RPL6: variants seen among roughly 807,000 people sequenced by gnomAD.
The protein encoded by RPL6 is large ribosomal subunit protein eL6.
A neutral mutation model predicts 32.1 loss-of-function variants in RPL6; 1 was observed. The observed-to-expected ratio is 0.03, with a 90% CI of 0.01 to 0.15. RPL6 has a LOEUF of 0.15. Among genes scored for constraint, RPL6 ranks in the 10% least tolerant of loss-of-function variants. RPL6 has a pLI of 1.00. For missense variants in RPL6, 275 were observed against 354.6 expected (o/e 0.78, Z 1.80); for synonymous variants, 126 against 131.6 (o/e 0.96, Z 0.29).
At chr12:112,406,712 C>G in intron 4 of RPL6, 35 bp downstream of exon 4, 1 of 1,610,778 alleles carries the variant, frequency 6.2e-7, no homozygotes, top group Non-Finnish European at 8.5e-7. Flanking sequence ...CCCCAGGCAG[C>G]TGCAGTGAAG....
At chr12:112,418,662 A>G in intron 1 of RPL6, 1 of 296,096 alleles carries the variant, frequency 3.4e-6, no homozygotes, top group South Asian at 5.2e-5. Flanking sequence ...AACGAAATGA[A>G]TGAAATCGAT....
upstream of RPL6, chr12:112,411,278 C>G (rs2037338437): frequency 6.6e-6 from 1 of 152,194 alleles, no homozygotes; most frequent in South Asian, 2.1e-4. Flanking sequence ...GCCCTTAAGC[C>G]AACATGTACA....
At chr12:112,408,995 T>C (rs1034873033) in intron 1 of RPL6, 10 of 298,464 alleles carry the variant, frequency 3.4e-5, no homozygotes, top group Non-Finnish European at 5.5e-5. Flanking sequence ...ATGCAGAATG[T>C]GTCCACAGGT....
upstream of RPL6, among the ~76,000 whole-genome samples, chr12:112,413,272 C>T (rs1022403569): frequency 6.6e-6 from 1 of 152,168 alleles, no homozygotes; most frequent in African/African-American, 2.4e-5. Context: ...TGCGGTGGCT[C>T]ACGCCTGTAA....
chr12:112,418,123 G>A (rs577672829), intron 1 of RPL6, among the ~76,000 whole-genome samples: 155 of 152,242 alleles, frequency 1.0e-3, no homozygotes, highest in African/African-American at 3.5e-3. Context: ...GGGACTACAG[G>A]CGCCCCCCAC....
upstream of RPL6, chr12:112,410,554 C>CTGTTTTTTTTT (rs2037325740): frequency 2.8e-5 from 1 of 36,224 alleles, no homozygotes; most frequent in Non-Finnish European, 6.6e-5. Flanking sequence ...AGTGTTAGCT[C>CTGTTTTTTTTT]TTTTTTTTTT....
At chr12:112,407,531 T>A (rs918736994) in intron 3 of RPL6, 1 of 152,902 alleles carries the variant, frequency 6.5e-6, no homozygotes, top group Non-Finnish European at 1.5e-5. Flanking sequence ...TTCCCTCTCA[T>A]GCAGTAATCT....
At chr12:112,418,124 C>T (rs2037445543) in intron 1 of RPL6, among the ~76,000 whole-genome samples, 2 of 152,110 alleles carry the variant, frequency 1.3e-5, no homozygotes, top group Admixed American at 1.3e-4. Context: ...GGACTACAGG[C>T]GCCCCCCACC....
intron 4 of RPL6, 199 bp from the exon 5 acceptor site, chr12:112,406,541 T>A: frequency 1.2e-6 from 1 of 816,954 alleles, no homozygotes; most frequent in Non-Finnish European, 1.9e-6. Context: ...AATGAACATG[T>A]GTAACATAAT....
intron 3 of RPL6, chr12:112,407,537 A>C (rs930078730): frequency 3.9e-5 from 6 of 152,904 alleles, no homozygotes; most frequent in African/African-American, 1.4e-4. Flanking sequence ...CTCATGCAGT[A>C]ATCTTCAACT....
rs1322125528 is a variant in RPL6, at chr12:112,408,321, CTTCTTT to C, written c.249_254del (p.Lys84_Lys85del). On this transcript the variant is annotated inframe_deletion, in exon 3 of 7. Coordinates refer to ENST00000202773, the MANE Select transcript of RPL6 (RefSeq NM_000970.6). Reference sequence around the variant, plus strand: ...TTGTAACAGTTGCGAGAACCTTCTCCTTCTTTTTCTTTTCAACCTACAAGGACACAA... The same window carrying C: ...TTGTAACAGTTGCGAGAACCTTCTCCTTCTTTTCAACCTACAAGGACACAA... 1 of 1,613,196 alleles carries C rather than the reference CTTCTTT, an allele frequency of 6.2e-7. No individual in the cohort carries two copies. The highest frequency in any genetic ancestry group is 1.3e-5 in the African/African-American group (1 of 74,276).
rs369723671 is a variant in RPL6, at chr12:112,405,371, A to G, written c.720T>C (p.Tyr240=). The stretch of plus-strand genomic sequence containing the variant: ...CAATCTTGCGCTGCTCCGTAATCTC[A>G]TATTTCTAAATAAAGAGAAAATCAA... ...GEIFDTEKEK[Y]EITEQRKIDQ... The change falls in exon 7 of 7, where the codon TAT becomes TAC. Residue 240 remains tyrosine (Y), a synonymous_variant. Coordinates refer to ENST00000202773, the MANE Select transcript of RPL6 (RefSeq NM_000970.6). 4.1e-5 allele frequency: 65 copies of G among 1,603,714 alleles called. No individual in the cohort carries two copies. Among genetic ancestry groups the G allele is most frequent in the Middle Eastern group, 1.7e-4 (1 of 5,998 alleles).
rs150260546 is a variant in RPL6 at position 112,409,578 on chromosome 12, G to T, written c.-1+9C>A. On this transcript the variant is annotated intron_variant, in intron 1 of 6. Transcript: ENST00000202773. Reference sequence around the variant, plus strand: ...ACTCAAGTCTTGCAGACAGGCCCGCGATTCTTACCTTGCAAGATGGGAAAG... The same window carrying T: ...ACTCAAGTCTTGCAGACAGGCCCGCTATTCTTACCTTGCAAGATGGGAAAG... 2 of 398,542 alleles carry T rather than the reference G, an allele frequency of 5.0e-6. No individual in the cohort carries two copies. Among genetic ancestry groups the T allele is most frequent in the South Asian group, 2.5e-4 (2 of 7,850 alleles). The allele number at this position is 398,542 out of a possible 1,614,324, so 24.7% of individuals were successfully genotyped here. A position where few individuals can be genotyped will look rare whatever the true frequency, so the allele number is the denominator to read the frequency against.
chr12:112,408,400 C>G lies in RPL6; in HGVS notation c.237+20G>C. 6.2e-7 allele frequency: 1 copy of G among 1,613,706 alleles called. No individual in the cohort carries two copies. The highest frequency in any genetic ancestry group is 8.5e-7 in the Non-Finnish European group (1 of 1,179,636). The stretch of plus-strand genomic sequence containing the variant: ...CCAATTAAGGTTAAGACATAATGGT[C>G]CGTGGTCCTCTTCCCTTACCTTGGA... On this transcript the variant is annotated intron_variant, in intron 2 of 6. Transcript: ENST00000202773.
intron 5 of RPL6, 85 bp downstream of exon 5, chr12:112,406,209 G>T: frequency 1.5e-6 from 2 of 1,298,826 alleles, no homozygotes; most frequent in Non-Finnish European, 1.1e-6. Context: ...TGTCTACCAT[G>T]TAGGCAGTAG....
Position 112,408,483 on chromosome 12 carries a change from G to C in RPL6, c.174C>G (p.Ser58=). 6.2e-7 allele frequency: 1 copy of C among 1,614,028 alleles called. No homozygotes were observed. Among genetic ancestry groups the C allele is most frequent in the Non-Finnish European group, 8.5e-7 (1 of 1,180,028 alleles). Residue 58 remains serine (S), a synonymous_variant, in exon 2 of 7, where the codon TCC becomes TCG. Coordinates refer to ENST00000202773, the MANE Select transcript of RPL6 (RefSeq NM_000970.6). ...CCTTTCTGGAATACATGGCAGATCG[G>C]GAATACCTGCCAATTCCTCTGACAA... is the stretch of plus-strand genomic sequence containing the variant. ...PVLVRGIGRY[S]RSAMYSRKAM...
upstream of RPL6, among the ~76,000 whole-genome samples, chr12:112,412,580 T>C (rs1215227712): frequency 6.6e-6 from 1 of 151,384 alleles, no homozygotes; most frequent in Admixed American, 6.6e-5. Flanking sequence ...GTTCAAGCAA[T>C]CCTCCCACCT....
At chr12:112,418,439 T>G (rs2037454863) in intron 1 of RPL6, 1 of 179,820 alleles carries the variant, frequency 5.6e-6, no homozygotes, top group East Asian at 9.4e-5. Flanking sequence ...AGATGAGGTC[T>G]TGCTTTTTTG....
chr12:112,405,388 G>GA lies in RPL6; in HGVS notation c.715-13dup, dbSNP rs1280876930. ...GTAATCTCATATTTCTAAATAAAGA[G>GA]AAAATCAAACATTTTAAAACAGGCA... is the stretch of plus-strand genomic sequence containing the variant. On this transcript the variant is annotated splice_polypyrimidine_tract_variant and intron_variant, in intron 6 of 6. Transcript: ENST00000202773. The GA allele has an allele frequency of 1.2e-6, 2 of 1,608,876 alleles. No individual in the cohort carries two copies. Among genetic ancestry groups the GA allele is most frequent in the Admixed American group, 1.7e-5 (1 of 57,890 alleles).
Sources: allele counts gnomAD v4.1 joint callset (sites outside exome capture counted in the v4.1 genomes callset), GRCh38; gene constraint gnomAD v4.1.1; transcripts MANE v1.5; gene names NCBI Gene and HGNC (gene_info 2026-07-23, HGNC 2026-07-21).